NSD3: variants seen among roughly 807,000 people sequenced by gnomAD.
NSD3 encodes the protein nuclear receptor binding SET domain protein 3, also known as histone-lysine N-methyltransferase NSD3.
In NSD3, 24 loss-of-function variants were observed where a neutral mutation model predicts 160.8. That is an observed-to-expected ratio of 0.15 (90% confidence interval 0.11 to 0.21). The LOEUF is 0.21. NSD3 is among the 10% of genes least tolerant of loss of function. The pLI is 1.00. For missense variants in NSD3, 1,157 were observed against 1,735.9 expected (o/e 0.67, Z 5.93); for synonymous variants, 520 against 600.0 (o/e 0.87, Z 1.95).
chr8:38,335,574 T>C (rs1810197797), intron 4 of NSD3, among the ~76,000 whole-genome samples: 1 of 152,168 alleles, frequency 6.6e-6, no homozygotes, highest in African/African-American at 2.4e-5. Flanking sequence ...GGAAAATCCT[T>C]GTCTTTTCTT....
At chr8:38,333,043 T>G (rs1810104798) in intron 4 of NSD3, among the ~76,000 whole-genome samples, 1 of 152,066 alleles carries the variant, frequency 6.6e-6, no homozygotes, top group Admixed American at 6.6e-5. Context: ...TCCAAAGGGT[T>G]TTTGGGGGGA....
chr8:38,364,187 C>T (rs936496200), intron 1 of NSD3, among the ~76,000 whole-genome samples: 4 of 151,912 alleles, frequency 2.6e-5, no homozygotes, highest in Admixed American at 1.3e-4. Flanking sequence ...TGAGGTGGGA[C>T]GATCGCTTGA....
At chr8:38,376,590 C>G (rs1009477653) in intron 1 of NSD3, among the ~76,000 whole-genome samples, 2 of 152,078 alleles carry the variant, frequency 1.3e-5, no homozygotes, top group Non-Finnish European at 2.9e-5. Context: ...CGCACACCAC[C>G]GGGCCCGGCT....
chr8:38,346,515 C>T (rs1810539928), intron 2 of NSD3, among the ~76,000 whole-genome samples: 1 of 151,306 alleles, frequency 6.6e-6, no homozygotes, highest in Non-Finnish European at 1.5e-5. Flanking sequence ...ATTGTCATAC[C>T]TTTAAGTCTT....
In NSD3 at chr8:38,289,475, T is replaced by A; in HGVS notation, c.3149A>T (p.Glu1050Val). Residue 1050 changes from glutamate to valine, a missense_variant, in exon 18 of 24, where the codon GAA (glutamate) becomes GTA (valine). Physicochemically the swap from Glu to Val is moderately radical, Grantham distance 121. Around this residue, in one of 10 missense-constraint regions of NSD3, gnomAD observed 437 missense variants for 576.6 expected, o/e 0.76. Transcript: ENST00000317025. ...TTTACTTTCTCTTTGTGCTTTCAAT[T>A]CCTGGAAACGTTTTGCAGCTTCTTC... The part of the protein sequence containing the change: ...ALEEAAKRFQ[E>V]LKAQRESKEA... 1 of 1,613,834 alleles carries A rather than the reference T, an allele frequency of 6.2e-7. No homozygotes were observed. The highest frequency in any genetic ancestry group is 8.5e-7 in the Non-Finnish European group (1 of 1,179,918).
At chr8:38,367,466 C>T (rs1413488494) in intron 1 of NSD3, among the ~76,000 whole-genome samples, 3 of 152,168 alleles carry the variant, frequency 2.0e-5, no homozygotes, top group Non-Finnish European at 4.4e-5. Flanking sequence ...AATCCCAGCA[C>T]TTTGGGAGGC....
intron 4 of NSD3, among the ~76,000 whole-genome samples, chr8:38,332,730 A>ATTCTTTTT (rs1259870510): frequency 6.6e-6 from 1 of 152,072 alleles, no homozygotes; most frequent in Non-Finnish European, 1.5e-5. Context: ...GGGGAAGGGC[A>ATTCTTTTT]TTCTTTTTTT....
At chr8:38,352,143 T>A (rs1191829493) in intron 1 of NSD3, among the ~76,000 whole-genome samples, 1 of 152,116 alleles carries the variant, frequency 6.6e-6, no homozygotes, top group East Asian at 1.9e-4. Flanking sequence ...ACCATCTTGG[T>A]TCCAGTAGGA....
chr8:38,366,418 C>CTTTCTTTT (rs1359333542), intron 1 of NSD3, among the ~76,000 whole-genome samples: 15 of 132,194 alleles, frequency 1.1e-4, no homozygotes, highest in Admixed American at 1.1e-3. Flanking sequence ...CTACTTAATT[C>CTTTCTTTT]TTTTTTTTTT....
In NSD3 at chr8:38,276,489, C is replaced by T. The variant is rs781719718; in HGVS notation, c.3879G>A (p.Ala1293=). ...FLGVRPKSAC[A]STNEEKAKNA... Reference sequence around the variant, plus strand: ...TTTTTGCCTTCTCTTCATTTGTTGACGCACATGCCGACTGGCAGGAAAGAA... The same window carrying T: ...TTTTTGCCTTCTCTTCATTTGTTGATGCACATGCCGACTGGCAGGAAAGAA... Residue 1293 remains alanine, a synonymous_variant, in exon 23 of 24, where the codon GCG becomes GCA. Coordinates refer to ENST00000317025, the MANE Select transcript of NSD3 (RefSeq NM_023034.2). 63 of 1,614,026 alleles carry T rather than the reference C, an allele frequency of 3.9e-5. No individual in the cohort carries two copies. The highest frequency in any genetic ancestry group is 6.6e-5 in the South Asian group (6 of 91,084).
intron 1 of NSD3, among the ~76,000 whole-genome samples, chr8:38,350,408 G>T (rs1263073552): frequency 1.3e-5 from 2 of 152,290 alleles, no homozygotes; most frequent in African/African-American, 4.8e-5. Flanking sequence ...TCTCATTGTA[G>T]TTTTGATTTG....
chr8:38,339,102 T>C (rs1402900372), intron 2 of NSD3, among the ~76,000 whole-genome samples: 4 of 148,414 alleles, frequency 2.7e-5, no homozygotes, highest in Non-Finnish European at 3.0e-5. Context: ...ATTGTGCCAC[T>C]GCACTCCAGC....
intron 12 of NSD3, among the ~76,000 whole-genome samples, chr8:38,310,675 CTT>C (rs919146524): frequency 1.0e-4 from 14 of 138,082 alleles, no homozygotes; most frequent in Non-Finnish European, 1.1e-4. Flanking sequence ...GCCAGGCTAA[CTT>C]TTTTTTTTTT....
Position 38,337,471 on chromosome 8 carries a change from C to T in NSD3, c.748-4G>A. 6.4e-7 allele frequency: 1 copy of T among 1,552,338 alleles called. No homozygotes were observed. Among genetic ancestry groups the T allele is most frequent in the Non-Finnish European group, 8.6e-7 (1 of 1,156,112 alleles). On this transcript the variant is annotated splice_polypyrimidine_tract_variant and splice_region_variant and intron_variant, in intron 3 of 23. Transcript: ENST00000317025. ...CAGAAGATAGTATTGGCTGAACCTA[C>T]AGGAAAGGGTCAAAAAACTTCATCA...
At chr8:38,374,718 T>G (rs1362388840) in intron 1 of NSD3, among the ~76,000 whole-genome samples, 1 of 152,178 alleles carries the variant, frequency 6.6e-6, no homozygotes, top group Non-Finnish European at 1.5e-5. Flanking sequence ...AGTTAAATAA[T>G]TCTTGCCTGG....
intron 2 of NSD3, among the ~76,000 whole-genome samples, chr8:38,345,849 C>T (rs193068645): frequency 2.6e-5 from 4 of 152,116 alleles, no homozygotes; most frequent in East Asian, 1.9e-4. Context: ...GCGGAGGTTG[C>T]GGTGAGCCAA....
chr8:38,310,397 ATAC>A (rs67908914), intron 12 of NSD3, among the ~76,000 whole-genome samples: 31,427 of 152,126 alleles, frequency 0.21, 3,457 homozygotes, highest in East Asian at 0.31. Context: ...TTGTAGGTAC[ATAC>A]TACATTTTGT....
chr8:38,346,901 T>C (rs533328278), intron 2 of NSD3, among the ~76,000 whole-genome samples: 2 of 151,216 alleles, frequency 1.3e-5, no homozygotes, highest in Admixed American at 6.6e-5. Flanking sequence ...AGAATTATGT[T>C]ACATACTTAT....
intron 22 of NSD3, 132 bp downstream of exon 22, chr8:38,278,174 G>C (rs1486887770): frequency 3.3e-6 from 2 of 600,448 alleles, no homozygotes; most frequent in African/African-American, 1.9e-5. Flanking sequence ...TCCTGACCTC[G>C]TGATCTGCCC....
Sources: gnomAD v4.1 joint callset for allele counts (sites outside exome capture counted in the v4.1 genomes callset) on GRCh38, gnomAD v4.1.1 for gene constraint, gnomAD v4.1.1 regional missense constraint, MANE v1.5 for transcripts, NCBI Gene and HGNC (gene_info 2026-07-23, HGNC 2026-07-21) for gene names.